MARCHF1: variants seen among roughly 807,000 people sequenced by gnomAD.
MARCHF1 encodes the protein E3 ubiquitin-protein ligase MARCHF1.
A neutral mutation model predicts 54.2 loss-of-function variants in MARCHF1; 40 were observed. That is an observed-to-expected ratio of 0.74 (90% CI 0.57 to 0.96). The LOEUF (loss-of-function observed/expected upper bound fraction) is 0.96. Ranked by LOEUF, MARCHF1 falls within the 40% of genes least tolerant of loss-of-function variation. MARCHF1 has a pLI of 0.00. For synonymous variants in MARCHF1, 236 were observed against 236.3 expected (o/e 1.00, Z 0.01); for missense variants, 586 against 656.5 (o/e 0.89, Z 1.17).
chr4:164,009,427 C>T (rs1345069696), intron 2 of MARCHF1, among the ~76,000 whole-genome samples: 1 of 152,106 alleles, frequency 6.6e-6, no homozygotes, highest in Non-Finnish European at 1.5e-5. Context: ...GGAGGAAATA[C>T]TTCTAAGCTC....
At chr4:163,617,000 A>G (rs1053289570) in intron 5 of MARCHF1, among the ~76,000 whole-genome samples, 2 of 152,146 alleles carry the variant, frequency 1.3e-5, no homozygotes, top group Non-Finnish European at 2.9e-5. Flanking sequence ...ATATAGACTC[A>G]ATCTAAATGG....
chr4:163,724,295 T>G (rs1378256649), intron 4 of MARCHF1, among the ~76,000 whole-genome samples: 1 of 152,224 alleles, frequency 6.6e-6, no homozygotes, highest in African/African-American at 2.4e-5. Context: ...CCTGTTTGCC[T>G]GGGTATAAGC....
At chr4:163,694,615 T>C (rs532923674) in intron 5 of MARCHF1, among the ~76,000 whole-genome samples, 26 of 152,202 alleles carry the variant, frequency 1.7e-4, no homozygotes, top group East Asian at 9.7e-4. Flanking sequence ...TAGTGAGTCA[T>C]TGCAAAAAAA....
intron 4 of MARCHF1, 69 bp downstream of exon 4, chr4:163,853,952 C>CCT: frequency 7.4e-7 from 1 of 1,355,538 alleles, no homozygotes; most frequent in Non-Finnish European, 1.0e-6. Context: ...ATAAGGTCAT[C>CCT]CTCTCCACAT....
chr4:163,648,924 A>G (rs999603896), intron 5 of MARCHF1, among the ~76,000 whole-genome samples: 1 of 151,516 alleles, frequency 6.6e-6, no homozygotes, highest in Non-Finnish European at 1.5e-5. Context: ...TTTGGGGGAA[A>G]AAAAAAAACC....
chr4:163,549,327 C>G (rs1343229093), intron 8 of MARCHF1, among the ~76,000 whole-genome samples: 1 of 151,920 alleles, frequency 6.6e-6, no homozygotes, highest in East Asian at 1.9e-4. Context: ...AATATTTTAT[C>G]CTCAAGTCTC....
chr4:163,683,184 A>G (rs1744160590), intron 5 of MARCHF1, among the ~76,000 whole-genome samples: 1 of 152,168 alleles, frequency 6.6e-6, no homozygotes, highest in African/African-American at 2.4e-5. Context: ...GGCAATTTGC[A>G]AAAGAAAGAG....
intron 1 of MARCHF1, among the ~76,000 whole-genome samples, chr4:164,138,520 C>T (rs1756452505): frequency 6.6e-6 from 1 of 152,132 alleles, no homozygotes; most frequent in Admixed American, 6.5e-5. Context: ...GGAGGACTTG[C>T]ATTAGTAGCA....
intron 1 of MARCHF1, among the ~76,000 whole-genome samples, chr4:164,242,523 G>A (rs1732802855): frequency 6.6e-6 from 1 of 150,786 alleles, no homozygotes; most frequent in Non-Finnish European, 1.5e-5. Flanking sequence ...CCACAAAGAT[G>A]GGGAAAAAAC....
intron 3 of MARCHF1, among the ~76,000 whole-genome samples, chr4:163,922,202 G>A (rs889296552): frequency 7.9e-5 from 12 of 151,018 alleles, no homozygotes; most frequent in South Asian, 2.1e-4. Flanking sequence ...ATCACACGCC[G>A]GGGCCTGTTG....
At chr4:164,062,886 G>C (rs1029477350) in intron 2 of MARCHF1, among the ~76,000 whole-genome samples, 1 of 152,202 alleles carries the variant, frequency 6.6e-6, no homozygotes, top group Non-Finnish European at 1.5e-5. Context: ...TGGGGGCACA[G>C]AATGGATGTT....
Position 164,236,465 on chromosome 4 carries a change from G to A in MARCHF1, c.-322-124803C>T, listed in dbSNP as rs566775089. 2.0e-3 allele frequency among the ~76,000 whole-genome samples: 306 copies of A among 150,916 alleles called. 1 individual carries two copies. Among genetic ancestry groups the A allele is most frequent in the Middle Eastern group, 0.017 (5 of 294 alleles). Reference sequence around the variant, plus strand: ...AAACTAGACAGCACTTTGGCACTACGATGGGGCCATTTTAAACAGTGAAAT... The same window carrying A: ...AAACTAGACAGCACTTTGGCACTACAATGGGGCCATTTTAAACAGTGAAAT... On this transcript the variant is annotated intron_variant, in intron 1 of 9. Coordinates refer to ENST00000514618, the MANE Select transcript of MARCHF1 (RefSeq NM_001394959.1).
chr4:163,674,363 C>T (rs1256487476), intron 5 of MARCHF1, among the ~76,000 whole-genome samples: 9 of 152,068 alleles, frequency 5.9e-5, no homozygotes, highest in Non-Finnish European at 1.2e-4. Flanking sequence ...ATGTGATGGG[C>T]TGAGAAGTTG....
chr4:164,032,867 A>T (rs1342272970), intron 2 of MARCHF1, among the ~76,000 whole-genome samples: 1 of 152,184 alleles, frequency 6.6e-6, no homozygotes, highest in Non-Finnish European at 1.5e-5. Flanking sequence ...AGCAGAAAGA[A>T]CAAAGCTGGA....
At chr4:163,781,633 A>G (rs1004898020) in intron 4 of MARCHF1, among the ~76,000 whole-genome samples, 1 of 152,262 alleles carries the variant, frequency 6.6e-6, no homozygotes, top group African/African-American at 2.4e-5. Flanking sequence ...TGTGTTTGCT[A>G]AAACAGTAGA....
chr4:164,311,415 C>T (rs1337854954), intron 1 of MARCHF1, among the ~76,000 whole-genome samples: 1 of 152,080 alleles, frequency 6.6e-6, no homozygotes, highest in South Asian at 2.1e-4. Context: ...TTAGCTGATG[C>T]CTCTGCTATG....
intron 3 of MARCHF1, among the ~76,000 whole-genome samples, chr4:163,975,190 TCTCTCTCACA>T (rs1408538546): frequency 0.015 from 1,745 of 120,334 alleles, 17 homozygotes; most frequent in Admixed American, 0.03. Context: ...TCTCTCTCTC[TCTCTCTCACA>T]CACACACACA....
At chr4:164,291,061 A>T (rs1734272932) in intron 1 of MARCHF1, among the ~76,000 whole-genome samples, 1 of 151,954 alleles carries the variant, frequency 6.6e-6, no homozygotes, top group Admixed American at 6.6e-5. Context: ...GAAATTTCAA[A>T]AAAACTTCAG....
At chr4:163,766,477 T>G (rs1343055325) in intron 4 of MARCHF1, among the ~76,000 whole-genome samples, 1 of 152,204 alleles carries the variant, frequency 6.6e-6, no homozygotes, top group Non-Finnish European at 1.5e-5. Context: ...AAGAAATATC[T>G]TTATTCAAAT....
Sources: allele counts gnomAD v4.1 joint callset (sites outside exome capture counted in the v4.1 genomes callset), GRCh38; gene constraint gnomAD v4.1.1; transcripts MANE v1.5; gene names NCBI Gene and HGNC (gene_info 2026-07-23, HGNC 2026-07-21).